The following ALKBH7 variants were observed in gnomAD, a reference collection of about 807,000 sequenced individuals.
ALKBH7 encodes the protein alkB homolog 7, RNA demethylase, also known as RNA demethylase ALKBH7, mitochondrial.
ALKBH7 carries 21 observed loss-of-function variants against 19.3 expected under a neutral mutation model. That is an observed-to-expected ratio of 1.09 (90% CI 0.77 to 1.56). The LOEUF is 1.56. Ranked by LOEUF, ALKBH7 falls within the 40% of genes most tolerant of loss-of-function variation. The probability of loss-of-function intolerance (pLI) is 0.00; values close to 1 mark genes in which losing one functional copy is unlikely to be tolerated. For synonymous variants in ALKBH7, 147 were observed against 139.5 expected, an observed-to-expected ratio of 1.05 and a Z score of -0.38; for missense variants, 354 against 311.4, an observed-to-expected ratio of 1.14 and a Z score of -1.03.
At position 6,374,491 on chromosome 19, in the gene ALKBH7, GTC is replaced by G; in HGVS notation, c.410_411del (p.Leu137ProfsTer31). On this transcript the variant is annotated frameshift_variant, in exon 3 of 4. Transcript: ENST00000245812. LOFTEE classifies it high-confidence loss of function. ...KFCGATIAGL[S>X]LLSPSVMRLV... ...TCTGCGGGGCCACCATCGCCGGCCTGTCTCTCCTGTCTCCCAGCGTTATGCGG... is the reference window on the plus strand; with the variant it reads ...TCTGCGGGGCCACCATCGCCGGCCTGTCTCCTGTCTCCCAGCGTTATGCGG... 6.2e-7 allele frequency: 1 copy of G among 1,614,026 alleles called. No individual in the cohort carries two copies. Among genetic ancestry groups the G allele is most frequent in the African/African-American group, 1.3e-5 (1 of 75,048 alleles).
chr19:6,373,123 T>A (rs1279453679), intron 1 of ALKBH7, 99 bp downstream of exon 1: 2 of 1,368,432 alleles, frequency 1.5e-6, no homozygotes, highest in African/African-American at 1.7e-5. Context: ...CTGGGGGCGG[T>A]ACCTAGAGCG....
In ALKBH7 at chr19:6,372,946, G is replaced by T. The variant is rs767550141; in HGVS notation, c.126G>T (p.Thr42=). ...AAVVRPGFLS[T]AEEETLSREL... ...TGGTGCGGCCTGGCTTCCTGAGCAC[G>T]GCAGAGGAGGAGACGCTGAGCCGAG... is the stretch of plus-strand genomic sequence containing the variant. The change falls in exon 1 of 4, where the codon ACG becomes ACT. Residue 42 remains threonine, a synonymous_variant. Transcript: ENST00000245812. The T allele has an allele frequency of 6.4e-6, 10 of 1,571,972 alleles. No individual in the cohort carries two copies. Among genetic ancestry groups the T allele is most frequent in the Non-Finnish European group, 8.6e-6 (10 of 1,161,690 alleles).
Position 6,374,459 on chromosome 19 carries a change from T to C in ALKBH7, c.379-6T>C, listed in dbSNP as rs2091910293. The stretch of plus-strand genomic sequence containing the variant: ...ATCCTGACCCATCCCCACGCCTCTT[T>C]TGCAGTTCTGCGGGGCCACCATCGC... On this transcript the variant is annotated splice_region_variant and splice_polypyrimidine_tract_variant and intron_variant, in intron 2 of 3. Coordinates refer to ENST00000245812, the MANE Select transcript of ALKBH7 (RefSeq NM_032306.4). The C allele has an allele frequency of 1.2e-6, 2 of 1,613,240 alleles. No individual in the cohort carries two copies. The highest frequency in any genetic ancestry group is 1.7e-6 in the Non-Finnish European group (2 of 1,179,640).
intron 2 of ALKBH7, 28 bp downstream of exon 2, chr19:6,374,404 CCCAGCCAGGGGGTAGGCA>C: frequency 6.2e-7 from 1 of 1,603,314 alleles, no homozygotes; most frequent in African/African-American, 1.3e-5. Context: ...CCTTGGCACT[CCCAGCCAGGGGGTAGGCA>C]GGCCCGGTTA....
chr19:6,374,856 A>G lies in ALKBH7; in HGVS notation c.549A>G (p.Glu183=), dbSNP rs748820105. Residue 183 remains glutamate (E), a synonymous_variant, in exon 4 of 4, where the codon GAA becomes GAG. Transcript: ENST00000245812. ...TCTCCCATGAGATCCTTCGGGATGAAGAGTCCTTCTTTGGGGAACGCCGGA... is the reference window on the plus strand; with the variant it reads ...TCTCCCATGAGATCCTTCGGGATGAGGAGTCCTTCTTTGGGGAACGCCGGA... ...YDFSHEILRD[E]ESFFGERRIP... is the part of the protein sequence containing the mutation. 14 of 1,614,072 alleles carry G rather than the reference A, an allele frequency of 8.7e-6. No individual in the cohort carries two copies. In the South Asian group the frequency reaches 1.4e-4, roughly 16 times the overall value.
At position 6,375,035 on chromosome 19, in the gene ALKBH7, G is replaced by A. The variant is rs114241482; in HGVS notation, c.*62G>A. The A allele has an allele frequency of 0.019, 29,431 of 1,518,370 alleles. 408 individuals are homozygous for A. The highest frequency in any genetic ancestry group is 0.061 in the Middle Eastern group (308 of 5,084). The allele number at this position is 1,518,370 out of a possible 1,614,324, so 94.1% of individuals were successfully genotyped here. On this transcript the variant is annotated 3_prime_UTR_variant, in exon 4 of 4. Transcript: ENST00000245812. The stretch of plus-strand genomic sequence containing the variant: ...AGTTGGGGAATGGACAGCCTAACTG[G>A]GACATTGCAGTGGCTGCTTGCTGGG...
Position 6,372,888 on chromosome 19 carries a change from C to A in ALKBH7, c.68C>A (p.Pro23His). 6.4e-7 allele frequency: 1 copy of A among 1,551,666 alleles called. No individual in the cohort carries two copies. Among genetic ancestry groups the A allele is most frequent in the East Asian group, 2.4e-5 (1 of 41,464 alleles). The change falls in exon 1 of 4, where the codon CCT (proline) becomes CAT (histidine). Residue 23 changes from proline (P) to histidine (H), a missense_variant. By Grantham distance (77) the Pro-to-His change is moderately conservative (BLOSUM62 -2). Transcript: ENST00000245812. ...PGPSWVRGSG[P>H]SVLSRLQDAA... Reference sequence around the variant, plus strand: ...CCCAGCTGGGTGCGAGGCTCGGGCCCTTCCGTGCTGAGCCGCCTGCAGGAC... The same window carrying A: ...CCCAGCTGGGTGCGAGGCTCGGGCCATTCCGTGCTGAGCCGCCTGCAGGAC...
chr19:6,373,872 A>C (rs929226897), intron 1 of ALKBH7: 135 of 1,313,640 alleles, frequency 1.0e-4, no homozygotes, highest in Non-Finnish European at 1.3e-4. Context: ...ACCTGGGACC[A>C]AGGTTAGGGG....
rs1209317590 is a variant in ALKBH7, at chr19:6,372,971, G to A, written c.151G>A (p.Glu51Lys). The A allele has an allele frequency of 6.3e-7, 1 of 1,577,162 alleles. No individual in the cohort carries two copies. The highest frequency in any genetic ancestry group is 2.3e-5 in the East Asian group (1 of 42,812). ...STAEEETLSR[E>K]LEPELRRRRY... Reference sequence around the variant, plus strand: ...GGCAGAGGAGGAGACGCTGAGCCGAGAACTGGAGCCCGAGCTGCGCCGCCG... The same window carrying A: ...GGCAGAGGAGGAGACGCTGAGCCGAAAACTGGAGCCCGAGCTGCGCCGCCG... The change falls in exon 1 of 4, where the codon GAA (glutamate) becomes AAA (lysine). Residue 51 changes from glutamate (E) to lysine (K), a missense_variant. Physicochemically the swap from Glu to Lys is moderately conservative, Grantham distance 56. Coordinates refer to ENST00000245812, the MANE Select transcript of ALKBH7 (RefSeq NM_032306.4).
rs1435068532 is a variant in ALKBH7, at chr19:6,372,795, C to A, written c.-26C>A. The A allele has an allele frequency of 1.3e-6, 2 of 1,534,622 alleles. No homozygotes were observed. Among genetic ancestry groups the A allele is most frequent in the East Asian group, 2.5e-5 (1 of 39,312 alleles). On this transcript the variant is annotated 5_prime_UTR_variant, in exon 1 of 4. Transcript: ENST00000245812. ...GGCGGGGGCGTTCCCCAACCCTGCC[C>A]TCTCTCATGACCCCGCTCCGGGATT... is the stretch of plus-strand genomic sequence containing the variant.
At position 6,374,920 on chromosome 19, in the gene ALKBH7, C is replaced by A; in HGVS notation, c.613C>A (p.Leu205Ile). Reference sequence around the variant, plus strand: ...GCGCATCTCCGTGATCTGCCGCTCCCTCCCTGAGGGCATGGGGCCAGGGGA... The same window carrying A: ...GCGCATCTCCGTGATCTGCCGCTCCATCCCTGAGGGCATGGGGCCAGGGGA... Reference protein sequence around the residue: ...GRRISVICRSLPEGMGPGESG... With the variant: ...GRRISVICRSIPEGMGPGESG... Residue 205 changes from leucine to isoleucine, a missense_variant, in exon 4 of 4, where the codon CTC becomes ATC. Transcript: ENST00000245812. 6.2e-7 allele frequency: 1 copy of A among 1,613,852 alleles called. No individual in the cohort carries two copies. Among genetic ancestry groups the A allele is most frequent in the Non-Finnish European group, 8.5e-7 (1 of 1,179,902 alleles).
At chr19:6,374,775 T>G (rs1792065181) in intron 3 of ALKBH7, 36 bp from the exon 4 acceptor site, 1 of 1,600,482 alleles carries the variant, frequency 6.2e-7, no homozygotes, top group Non-Finnish European at 8.5e-7. Context: ...GGGGCTGCCC[T>G]CCTTGCACCC....
In ALKBH7 at chr19:6,372,837, T is replaced by C. The variant is rs1223828672; in HGVS notation, c.17T>C (p.Leu6Pro). The C allele has an allele frequency of 6.5e-7, 1 of 1,545,784 alleles. No individual in the cohort carries two copies. The highest frequency in any genetic ancestry group is 2.4e-5 in the East Asian group (1 of 41,442). The part of the protein sequence containing the change: MAGTG[L>P]LALRTLPGPS... ...TCCGGGATTATGGCCGGGACTGGGC[T>C]GCTGGCGCTGCGGACGCTGCCAGGG... The change falls in exon 1 of 4, where the codon CTG (leucine) becomes CCG (proline). Residue 6 changes from leucine to proline, a missense_variant. Leu to Pro is a moderately conservative substitution (Grantham distance 98). Transcript: ENST00000245812.
intron 1 of ALKBH7, 57 bp from the exon 2 acceptor site, chr19:6,374,146 C>T: frequency 6.3e-7 from 1 of 1,588,322 alleles, no homozygotes; most frequent in South Asian, 1.1e-5. Context: ...CCCCTCCTTG[C>T]CTCAGTTTCC....
At chr19:6,374,428 G>A (rs770880828) in intron 2 of ALKBH7, 37 bp from the exon 3 acceptor site, 4 of 1,608,206 alleles carry the variant, frequency 2.5e-6, no homozygotes, top group African/African-American at 2.7e-5. Context: ...AGGCAGGCCC[G>A]GTTAGATCCT....
At chr19:6,373,876 T>G (rs2145062102) in intron 1 of ALKBH7, 2 of 1,314,750 alleles carry the variant, frequency 1.5e-6, no homozygotes, top group Non-Finnish European at 9.6e-7. Flanking sequence ...GGGACCAAGG[T>G]TAGGGGCGGA....
At chr19:6,374,750 G>A in intron 3 of ALKBH7, 61 bp from the exon 4 acceptor site, 1 of 1,596,214 alleles carries the variant, frequency 6.3e-7, no homozygotes, top group Non-Finnish European at 8.6e-7. Context: ...CTGGAATCCA[G>A]GTCTGCCTGG....
Position 6,374,575 on chromosome 19 carries a change from C to T in ALKBH7, c.489C>T (p.Ser163=), listed in dbSNP as rs1378079200. 6.2e-7 allele frequency: 1 copy of T among 1,613,218 alleles called. No homozygotes were observed. The highest frequency in any genetic ancestry group is 8.5e-7 in the Non-Finnish European group (1 of 1,179,988). The change falls in exon 3 of 4, where the codon TCC becomes TCT. Residue 163 remains serine (S), a synonymous_variant. Coordinates refer to ENST00000245812, the MANE Select transcript of ALKBH7 (RefSeq NM_032306.4). ...EWLELLLEPG[S]LYILRGSARY... ...TGGAACTCTTGCTGGAGCCGGGCTC[C>T]CTCTACATCCTTAGGTACCTCCATC... is the stretch of plus-strand genomic sequence containing the variant.
In ALKBH7 at chr19:6,374,865, C is replaced by T; in HGVS notation, c.558C>T (p.Phe186=). 1 of 1,614,094 alleles carries T rather than the reference C, an allele frequency of 6.2e-7. No individual in the cohort carries two copies. The highest frequency in any genetic ancestry group is 8.5e-7 in the Non-Finnish European group (1 of 1,179,970). Residue 186 remains phenylalanine (F), a synonymous_variant, in exon 4 of 4, where the codon TTC becomes TTT. Transcript: ENST00000245812. ...SHEILRDEES[F]FGERRIPRGR... ...AGATCCTTCGGGATGAAGAGTCCTT[C>T]TTTGGGGAACGCCGGATTCCCCGGG...
Sources: gnomAD v4.1 joint callset for allele counts on GRCh38, gnomAD v4.1.1 for gene constraint, MANE v1.5 for transcripts, NCBI Gene and HGNC (gene_info 2026-07-23, HGNC 2026-07-21) for gene names.